Variants in SLC8A1 observed in about 807,000 individuals in gnomAD.
SLC8A1 encodes solute carrier family 8 member A1.
Under a neutral mutation model 68.3 loss-of-function variants are expected in SLC8A1, and 18 were observed. The observed-to-expected ratio is 0.26, with a 90% CI of 0.18 to 0.39. The LOEUF is 0.39. Ranked by LOEUF, SLC8A1 falls within the 10% of genes least tolerant of loss-of-function variation. SLC8A1 has a pLI of 1.00. For synonymous variants in SLC8A1, 475 were observed against 415.5 expected (o/e 1.14, Z -1.74); for missense variants, 985 against 1,156.7 (o/e 0.85, Z 2.15).
At chr2:40,354,158 G>T (rs1671986506) in intron 2 of SLC8A1, among the ~76,000 whole-genome samples, 1 of 152,156 alleles carries the variant, frequency 6.6e-6, no homozygotes, top group Non-Finnish European at 1.5e-5. Context: ...ATTCTCCCTA[G>T]AAATATATGA....
In SLC8A1 at chr2:40,476,712, G is replaced by T. The variant is rs149401039; in HGVS notation, c.-25+35637C>A. Among the ~76,000 whole-genome samples the T allele has an allele frequency of 3.5e-3, 539 of 152,262 alleles. 3 individuals are homozygous for T. Among genetic ancestry groups the T allele is most frequent in the African/African-American group, 0.012 (519 of 41,548 alleles). ...CAAGTGTGGTTAGTGCCAAATACAT[G>T]GTAGAGATTTAGAAGTAAAGGAGGG... On this transcript the variant is annotated intron_variant, in intron 1 of 7. Coordinates refer to the SLC8A1 transcript ENST00000402441.
intron 1 of SLC8A1, among the ~76,000 whole-genome samples, chr2:40,443,508 G>C (rs535839533): frequency 8.6e-4 from 131 of 152,312 alleles, no homozygotes; most frequent in African/African-American, 3.1e-3. Flanking sequence ...ATTATTCACA[G>C]ACGTACCTTC....
chr2:40,141,743 T>A (rs1158144405), intron 6 of SLC8A1, among the ~76,000 whole-genome samples: 1 of 152,214 alleles, frequency 6.6e-6, no homozygotes, highest in Non-Finnish European at 1.5e-5. Flanking sequence ...GAGTGTGACC[T>A]TATTTGGAAA....
intron 2 of SLC8A1, chr2:40,337,369 A>G (rs1358417726): frequency 6.2e-6 from 2 of 323,380 alleles, no homozygotes; most frequent in Admixed American, 2.6e-5. Flanking sequence ...AGTCGTACAG[A>G]GTAGTTTTAT....
At chr2:40,218,106 G>T (rs79921401) in intron 2 of SLC8A1, among the ~76,000 whole-genome samples, 1 of 20,194 alleles carries the variant, frequency 5.0e-5, no homozygotes, top group Non-Finnish European at 1.4e-4. Context: ...CAGTTAGTTT[G>T]TAAATCTAAC....
intron 2 of SLC8A1, among the ~76,000 whole-genome samples, chr2:40,205,641 C>CTT (rs1482481313): frequency 2.0e-5 from 3 of 151,790 alleles, no homozygotes; most frequent in Non-Finnish European, 4.4e-5. Flanking sequence ...ACACTGGGGC[C>CTT]TTTCAAATGG....
chr2:40,430,083 G>T (rs776665873), exon 2 of SLC8A1: 1 of 1,613,760 alleles, frequency 6.2e-7, no homozygotes. Context: ...AAGGGTCTTG[G>T]GGTTCCCAAA....
At chr2:40,244,305 C>G (rs548827592) in intron 2 of SLC8A1, among the ~76,000 whole-genome samples, 2 of 152,286 alleles carry the variant, frequency 1.3e-5, no homozygotes, top group Admixed American at 1.3e-4. Flanking sequence ...TACTGAGCAT[C>G]TACTACGTGA....
chr2:40,218,105 TG>T (rs11330886), intron 2 of SLC8A1, among the ~76,000 whole-genome samples: 97,627 of 151,870 alleles, frequency 0.64, 31,798 homozygotes, highest in Middle Eastern at 0.79. Flanking sequence ...ACAGTTAGTT[TG>T]TAAATCTAAC....
At chr2:40,403,327 C>A (rs78359630) in intron 2 of SLC8A1, among the ~76,000 whole-genome samples, 6 of 152,146 alleles carry the variant, frequency 3.9e-5, no homozygotes, top group South Asian at 2.1e-4. Flanking sequence ...GAAATGCTCT[C>A]GTTTCATGGT....
At chr2:40,246,541 C>G (rs1202535626) in intron 2 of SLC8A1, among the ~76,000 whole-genome samples, 1 of 152,210 alleles carries the variant, frequency 6.6e-6, no homozygotes, top group African/African-American at 2.4e-5. Flanking sequence ...GGGGTAATCA[C>G]TCTGCTCAGG....
intron 2 of SLC8A1, among the ~76,000 whole-genome samples, chr2:40,378,376 G>A (rs915158726): frequency 2.5e-4 from 38 of 152,198 alleles, no homozygotes; most frequent in Admixed American, 1.2e-3. Flanking sequence ...AAATGCAAAG[G>A]TTATGTGTGA....
At chr2:40,412,906 T>C (rs1005424578) in intron 2 of SLC8A1, among the ~76,000 whole-genome samples, 3 of 150,622 alleles carry the variant, frequency 2.0e-5, no homozygotes, top group Non-Finnish European at 4.4e-5. Flanking sequence ...TCATTGCTGA[T>C]TTTTTTTTAT....
intron 2 of SLC8A1, among the ~76,000 whole-genome samples, chr2:40,424,586 C>T (rs1460199019): frequency 6.6e-6 from 1 of 151,718 alleles, no homozygotes; most frequent in East Asian, 1.9e-4. Flanking sequence ...AATGAAGTTA[C>T]AACTACACTG....
chr2:40,266,658 C>A (rs1270744983), intron 2 of SLC8A1, among the ~76,000 whole-genome samples: 2 of 152,204 alleles, frequency 1.3e-5, no homozygotes, highest in African/African-American at 4.8e-5. Flanking sequence ...GCACTCCATA[C>A]TGGAGACCAC....
At chr2:40,115,594 G>C in exon 8 of SLC8A1, 1 of 1,611,524 alleles carries the variant, frequency 6.2e-7, no homozygotes, top group Non-Finnish European at 8.5e-7. Context: ...TCTGCATACT[G>C]GTCCTGGGTG....
At chr2:40,297,967 T>A (rs1307454582) in intron 2 of SLC8A1, among the ~76,000 whole-genome samples, 3 of 152,076 alleles carry the variant, frequency 2.0e-5, no homozygotes, top group Non-Finnish European at 4.4e-5. Flanking sequence ...GCAACCTCCA[T>A]CTCCTGCGTT....
intron 2 of SLC8A1, among the ~76,000 whole-genome samples, chr2:40,228,003 G>T (rs1056538429): frequency 6.6e-6 from 1 of 151,996 alleles, no homozygotes; most frequent in Non-Finnish European, 1.5e-5. Context: ...ACCCACAAGT[G>T]GAAATGTAAT....
At chr2:40,262,395 G>A (rs1294727081) in intron 2 of SLC8A1, among the ~76,000 whole-genome samples, 6 of 152,166 alleles carry the variant, frequency 3.9e-5, no homozygotes, top group Non-Finnish European at 8.8e-5. Flanking sequence ...AGATTTTTAT[G>A]AGGCTTTATC....
Sources: gnomAD v4.1 joint callset for allele counts (sites outside exome capture counted in the v4.1 genomes callset) on GRCh38, gnomAD v4.1.1 for gene constraint, MANE v1.5 for transcripts, NCBI Gene and HGNC (gene_info 2026-07-23, HGNC 2026-07-21) for gene names.